NLGN1: variants seen among roughly 807,000 people sequenced by gnomAD.
NLGN1 encodes the protein neuroligin-1.
In NLGN1, 12 loss-of-function variants were observed where a neutral mutation model predicts 65.5. That is an observed-to-expected ratio of 0.18 (90% CI 0.12 to 0.30). The LOEUF (loss-of-function observed/expected upper bound fraction) is 0.30, where lower values mean the gene tolerates loss of function less well. Ranked by LOEUF, NLGN1 falls within the 10% of genes least tolerant of loss-of-function variation. NLGN1 has a pLI of 1.00. For synonymous variants in NLGN1, 350 were observed against 359.5 expected (o/e 0.97, Z 0.30); for missense variants, 750 against 1,007.1 (o/e 0.74, Z 3.46).
At chr3:174,003,499 T>C (rs554572021) in intron 4 of NLGN1, among the ~76,000 whole-genome samples, 83 of 152,304 alleles carry the variant, frequency 5.4e-4, no homozygotes, top group African/African-American at 1.9e-3. Context: ...AGTCAAGATA[T>C]ACATTCAAAC....
chr3:174,213,056 A>C (rs1479921445), intron 4 of NLGN1, among the ~76,000 whole-genome samples: 2 of 152,234 alleles, frequency 1.3e-5, no homozygotes, highest in Non-Finnish European at 2.9e-5. Context: ...TTAATTCTAT[A>C]AGCAACTTTA....
chr3:174,004,854 C>T (rs1038508736), intron 4 of NLGN1, among the ~76,000 whole-genome samples: 2 of 151,990 alleles, frequency 1.3e-5, no homozygotes. Context: ...TCTTAAATTA[C>T]GTTCGTGTTA....
At chr3:174,072,170 C>T (rs370119628) in intron 4 of NLGN1, among the ~76,000 whole-genome samples, 15 of 152,182 alleles carry the variant, frequency 9.9e-5, no homozygotes, top group African/African-American at 1.7e-4. Flanking sequence ...TATTTATCCT[C>T]GCAGTTACTC....
At chr3:174,228,754 A>G (rs886755617) in intron 4 of NLGN1, among the ~76,000 whole-genome samples, 1 of 152,088 alleles carries the variant, frequency 6.6e-6, no homozygotes, top group Non-Finnish European at 1.5e-5. Flanking sequence ...ACAAACAAGC[A>G]TTTTTATAGA....
intron 4 of NLGN1, among the ~76,000 whole-genome samples, chr3:174,113,688 C>T (rs1715724737): frequency 6.6e-6 from 1 of 152,086 alleles, no homozygotes; most frequent in Non-Finnish European, 1.5e-5. Context: ...TAACACTTAT[C>T]TATGTCATAG....
chr3:173,815,022 T>C (rs1578579034), intron 4 of NLGN1, among the ~76,000 whole-genome samples: 1 of 151,950 alleles, frequency 6.6e-6, no homozygotes, highest in South Asian at 2.1e-4. Context: ...TTTTCTTTCC[T>C]TTCCCTTTCT....
chr3:173,718,165 C>G (rs1489214071), intron 3 of NLGN1, among the ~76,000 whole-genome samples: 1 of 152,106 alleles, frequency 6.6e-6, no homozygotes, highest in East Asian at 1.9e-4. Flanking sequence ...TTTGCCTCTT[C>G]TCTTCTAGCT....
At chr3:173,753,969 T>TA (rs1553836570) in intron 3 of NLGN1, among the ~76,000 whole-genome samples, 99 of 144,712 alleles carry the variant, frequency 6.8e-4, no homozygotes, top group East Asian at 2.6e-3. Flanking sequence ...TATAATATAA[T>TA]ATAATATCTA....
intron 4 of NLGN1, among the ~76,000 whole-genome samples, chr3:173,935,051 G>A (rs1387140355): frequency 6.6e-6 from 1 of 151,950 alleles, no homozygotes; most frequent in Non-Finnish European, 1.5e-5. Context: ...TTATTTACAA[G>A]CAAAGCTGCT....
chr3:173,718,484 A>T, intron 3 of NLGN1, among the ~76,000 whole-genome samples: 1 of 152,226 alleles, frequency 6.6e-6, no homozygotes, highest in East Asian at 1.9e-4. Flanking sequence ...GTCACAAATT[A>T]GTAAATCGAT....
chr3:173,451,983 A>G (rs1198685197), intron 2 of NLGN1, among the ~76,000 whole-genome samples: 1 of 152,168 alleles, frequency 6.6e-6, no homozygotes, highest in African/African-American at 2.4e-5. Flanking sequence ...TAGGAAAGGG[A>G]ATTCCCTGAC....
intron 4 of NLGN1, among the ~76,000 whole-genome samples, chr3:174,066,942 T>G (rs2152527331): frequency 6.6e-6 from 1 of 152,248 alleles, no homozygotes; most frequent in Admixed American, 6.6e-5. Flanking sequence ...ACTGTGATGC[T>G]CTTGGTGATA....
intron 4 of NLGN1, among the ~76,000 whole-genome samples, chr3:174,183,519 TAAAC>T (rs754140038): frequency 7.9e-5 from 12 of 152,048 alleles, no homozygotes; most frequent in Non-Finnish European, 1.2e-4. Context: ...ATGGCACTAA[TAAAC>T]AAAACCAATG....
intron 4 of NLGN1, among the ~76,000 whole-genome samples, chr3:174,019,155 T>C (rs767182462): frequency 4.6e-5 from 7 of 152,208 alleles, no homozygotes; most frequent in Non-Finnish European, 1.0e-4. Flanking sequence ...TGTATTGATA[T>C]ACTACATAAG....
At chr3:174,162,563 G>A (rs187597426) in intron 4 of NLGN1, among the ~76,000 whole-genome samples, 98 of 151,908 alleles carry the variant, frequency 6.5e-4, no homozygotes, top group African/African-American at 2.2e-3. Flanking sequence ...CTGTGCAATT[G>A]ATTTCTTGAA....
intron 2 of NLGN1, among the ~76,000 whole-genome samples, chr3:173,501,220 G>T (rs1731068881): frequency 1.3e-5 from 2 of 151,958 alleles, no homozygotes; most frequent in Admixed American, 6.6e-5. Flanking sequence ...ATTAAGCCCT[G>T]CATGCATCAG....
intron 4 of NLGN1, among the ~76,000 whole-genome samples, chr3:174,239,480 G>A (rs1327434787): frequency 1.3e-5 from 2 of 152,114 alleles, no homozygotes; most frequent in Non-Finnish European, 2.9e-5. Flanking sequence ...GTTAGTAGGG[G>A]TTAAACATTT....
chr3:174,225,678 C>T (rs919323895), intron 4 of NLGN1, among the ~76,000 whole-genome samples: 8 of 150,882 alleles, frequency 5.3e-5, no homozygotes, highest in Admixed American at 1.3e-4. Context: ...TTGCAGTGAG[C>T]GGAGATTGCG....
intron 2 of NLGN1, among the ~76,000 whole-genome samples, chr3:173,600,831 A>G (rs1750411498): frequency 6.6e-6 from 1 of 151,728 alleles, no homozygotes; most frequent in South Asian, 2.1e-4. Context: ...TAGCTTGCAC[A>G]TTGTAAATAT....
Sources: allele counts gnomAD v4.1 joint callset (sites outside exome capture counted in the v4.1 genomes callset), GRCh38; gene constraint gnomAD v4.1.1; transcripts MANE v1.5; gene names NCBI Gene and HGNC (gene_info 2026-07-23, HGNC 2026-07-21).